PRKN: variants seen among roughly 807,000 people sequenced by gnomAD.
The protein encoded by PRKN is parkin RBR E3 ubiquitin protein ligase.
PRKN carries 56 observed loss-of-function variants against 59.5 expected under a neutral mutation model. The observed-to-expected ratio is 0.94, with a 90% CI of 0.76 to 1.18. The LOEUF (loss-of-function observed/expected upper bound fraction) is 1.18, where lower values mean the gene tolerates loss of function less well. PRKN is among the 50% of genes most tolerant of loss of function. PRKN has a pLI of 0.00. For synonymous variants in PRKN, 250 were observed against 222.1 expected, an observed-to-expected ratio of 1.13 and a Z score of -1.12; for missense variants, 657 against 596.4, an observed-to-expected ratio of 1.10 and a Z score of -1.06.
chr6:161,925,548 G>T (rs1281613483), intron 6 of PRKN, among the ~76,000 whole-genome samples: 1 of 152,092 alleles, frequency 6.6e-6, no homozygotes, highest in East Asian at 1.9e-4. Flanking sequence ...TCCACGCTGG[G>T]CGATAGAGTG....
chr6:162,472,956 A>T (rs958552017), intron 1 of PRKN, among the ~76,000 whole-genome samples: 2 of 151,790 alleles, frequency 1.3e-5, no homozygotes, highest in African/African-American at 4.8e-5. Context: ...GAATTTGGTG[A>T]CTTGGCCATG....
At chr6:162,217,202 A>G (rs1039853937) in intron 3 of PRKN, among the ~76,000 whole-genome samples, 9 of 152,154 alleles carry the variant, frequency 5.9e-5, no homozygotes, top group Non-Finnish European at 1.2e-4. Flanking sequence ...CCAAGGCCCA[A>G]TCATTTGTTC....
intron 7 of PRKN, among the ~76,000 whole-genome samples, chr6:161,580,247 G>A (rs1781283508): frequency 6.6e-6 from 1 of 152,020 alleles, no homozygotes; most frequent in African/African-American, 2.4e-5. Context: ...ATCTGAGCAC[G>A]TCTCATCTGT....
In PRKN at chr6:161,674,962, C is replaced by T. The variant is rs559506626; in HGVS notation, c.872-105546G>A. Among the ~76,000 whole-genome samples, 171 of 152,278 alleles carry T rather than the reference C, an allele frequency of 1.1e-3. 2 individuals are homozygous for T. The highest frequency in any genetic ancestry group is 8.9e-3 in the South Asian group (43 of 4,824). ...GACAGTCACCGTATTTTGCCCAGGGCTTGCTATTGATTAGCTCTGGGTGTC... is the reference window on the plus strand; with the variant it reads ...GACAGTCACCGTATTTTGCCCAGGGTTTGCTATTGATTAGCTCTGGGTGTC... On this transcript the variant is annotated intron_variant, in intron 7 of 11. Coordinates refer to ENST00000366898, the MANE Select transcript of PRKN (RefSeq NM_004562.3).
chr6:161,500,882 T>TC (rs1562489166), intron 9 of PRKN, among the ~76,000 whole-genome samples: 3 of 148,126 alleles, frequency 2.0e-5, no homozygotes, highest in Non-Finnish European at 4.5e-5. Context: ...TTTTCTTTTT[T>TC]TTTTTTTTTT....
chr6:161,878,269 T>C (rs1794809811), intron 6 of PRKN, among the ~76,000 whole-genome samples: 1 of 152,208 alleles, frequency 6.6e-6, no homozygotes. Context: ...ATAATGTATA[T>C]ACAGAAACAT....
intron 1 of PRKN, among the ~76,000 whole-genome samples, chr6:162,598,624 G>A (rs527388087): frequency 2.6e-5 from 4 of 152,174 alleles, no homozygotes; most frequent in Non-Finnish European, 4.4e-5. Flanking sequence ...AGGTCGAGGC[G>A]GGCGGATAAC....
Position 161,553,717 on chromosome 6 carries a change from A to G in PRKN, c.934-4714T>C, listed in dbSNP as rs558669279. Among the ~76,000 whole-genome samples the G allele has an allele frequency of 1.6e-3, 236 of 152,210 alleles. 1 individual carries two copies. Among genetic ancestry groups the G allele is most frequent in the Non-Finnish European group, 2.9e-3 (196 of 68,004 alleles). On this transcript the variant is annotated intron_variant, in intron 8 of 11. Coordinates refer to ENST00000366898, the MANE Select transcript of PRKN (RefSeq NM_004562.3). ...ATAAAATATTTGAATCTTTTTTTTC[A>G]ATGAACATTTATAAACTCATAAACT...
intron 1 of PRKN, among the ~76,000 whole-genome samples, chr6:162,483,155 G>A (rs1792382207): frequency 6.6e-6 from 1 of 152,194 alleles, no homozygotes; most frequent in East Asian, 1.9e-4. Flanking sequence ...CTATCCCAAG[G>A]ATAATTTATC....
At chr6:161,585,976 T>C (rs1781508202) in intron 7 of PRKN, among the ~76,000 whole-genome samples, 1 of 152,070 alleles carries the variant, frequency 6.6e-6, no homozygotes, top group South Asian at 2.1e-4. Flanking sequence ...AAGAATTTCT[T>C]TAATTGTTTT....
intron 6 of PRKN, among the ~76,000 whole-genome samples, chr6:161,805,912 C>A (rs1409880116): frequency 1.3e-5 from 2 of 152,150 alleles, no homozygotes; most frequent in Non-Finnish European, 2.9e-5. Flanking sequence ...CCACGTACAC[C>A]TGTGCTGCTT....
intron 7 of PRKN, among the ~76,000 whole-genome samples, chr6:161,608,020 T>C (rs1469497121): frequency 6.6e-6 from 1 of 152,132 alleles, no homozygotes; most frequent in Non-Finnish European, 1.5e-5. Context: ...AGACAAACCA[T>C]TGATCTAGTG....
chr6:162,222,582 G>A (rs1034035699), intron 3 of PRKN, among the ~76,000 whole-genome samples: 1 of 152,122 alleles, frequency 6.6e-6, no homozygotes, highest in African/African-American at 2.4e-5. Flanking sequence ...TGTGAAAAAT[G>A]AATCCCAAAC....
intron 6 of PRKN, among the ~76,000 whole-genome samples, chr6:161,944,764 T>C (rs995588599): frequency 2.0e-5 from 3 of 152,250 alleles, no homozygotes; most frequent in Non-Finnish European, 4.4e-5. Context: ...TGTCACAGAA[T>C]TGATTTTATC....
intron 4 of PRKN, among the ~76,000 whole-genome samples, chr6:162,133,523 A>T (rs1048196895): frequency 6.6e-6 from 1 of 152,184 alleles, no homozygotes; most frequent in African/African-American, 2.4e-5. Context: ...CCTACTATCC[A>T]ATGGGTAGCT....
rs1413896424 is a variant in PRKN at position 161,391,564 on chromosome 6, A to T, written c.1084-4687T>A. On this transcript the variant is annotated intron_variant, in intron 9 of 11. Transcript: ENST00000366898. The surrounding 1 kb of genome is among the most constrained non-coding windows in gnomAD (Gnocchi z 4.9). ...GAAGGCAATCAAACACATGGACTGT[A>T]TTATAGTCCCTGTGACGAGAGTTTA... Among the ~76,000 whole-genome samples, 1 of 152,010 alleles carries T rather than the reference A, an allele frequency of 6.6e-6. No individual in the cohort carries two copies. Among genetic ancestry groups the T allele is most frequent in the Non-Finnish European group, 1.5e-5 (1 of 68,020 alleles).
intron 1 of PRKN, among the ~76,000 whole-genome samples, chr6:162,579,624 TACAC>T (rs1353975521): frequency 3.5e-5 from 5 of 143,314 alleles, no homozygotes; most frequent in East Asian, 1.9e-4. Flanking sequence ...GATACACACA[TACAC>T]ACAAATTCAC....
chr6:161,531,057 C>T (rs1334541796), intron 9 of PRKN, among the ~76,000 whole-genome samples: 7 of 152,106 alleles, frequency 4.6e-5, no homozygotes, highest in East Asian at 1.9e-4. Flanking sequence ...ATGCAAGTTC[C>T]GTAAGTTCCA....
intron 9 of PRKN, among the ~76,000 whole-genome samples, chr6:161,449,877 G>A (rs750959625): frequency 3.3e-5 from 5 of 152,062 alleles, no homozygotes; most frequent in Non-Finnish European, 7.4e-5. Context: ...GAACATCTTT[G>A]GTTTCTCCAT....
Sources: allele counts gnomAD v4.1 joint callset (sites outside exome capture counted in the v4.1 genomes callset), GRCh38; gene constraint gnomAD v4.1.1; non-coding constraint Gnocchi (gnomAD v3.1); transcripts MANE v1.5; gene names NCBI Gene and HGNC (gene_info 2026-07-23, HGNC 2026-07-21).